The following CSMD1 variants were observed in gnomAD, a reference collection of about 807,000 sequenced individuals.
CSMD1 encodes the protein CUB and Sushi multiple domains 1.
Under a neutral mutation model 417.5 loss-of-function variants are expected in CSMD1, and 213 were observed. That is an observed-to-expected ratio of 0.51 (90% CI 0.46 to 0.57). The LOEUF (loss-of-function observed/expected upper bound fraction) is 0.57, where lower values mean the gene tolerates loss of function less well. Ranked by LOEUF, CSMD1 falls within the 20% of genes least tolerant of loss-of-function variation. The pLI, the probability that CSMD1 is intolerant of heterozygous loss-of-function variation, is 0.00. For synonymous variants in CSMD1, 2,862 were observed against 1,736.8 expected (o/e 1.65, Z -16.11); for missense variants, 6,923 against 4,529.7 (o/e 1.53, Z -15.17).
At chr8:2,942,816 T>A (rs966729243) in intron 68 of CSMD1, among the ~76,000 whole-genome samples, 1 of 152,226 alleles carries the variant, frequency 6.6e-6, no homozygotes, top group Non-Finnish European at 1.5e-5. Context: ...TAATGGAGAA[T>A]ACTATGAAAG....
chr8:4,991,041 T>A (rs918286772), intron 1 of CSMD1, among the ~76,000 whole-genome samples: 2 of 152,120 alleles, frequency 1.3e-5, no homozygotes, highest in Admixed American at 1.3e-4. Context: ...TTGTGTGTGC[T>A]CTCCTTTAGG....
chr8:4,120,560 C>A (rs1020047612), intron 3 of CSMD1, among the ~76,000 whole-genome samples: 1 of 152,188 alleles, frequency 6.6e-6, no homozygotes, highest in South Asian at 2.1e-4. Context: ...CCAAAACTGG[C>A]GACCGGGAGG....
intron 3 of CSMD1, among the ~76,000 whole-genome samples, chr8:4,188,564 G>A (rs1010884908): frequency 6.6e-6 from 1 of 152,112 alleles, no homozygotes; most frequent in African/African-American, 2.4e-5. Context: ...GTATGAGGTA[G>A]ACACTGTCAA....
intron 1 of CSMD1, among the ~76,000 whole-genome samples, chr8:4,659,351 G>A (rs928913058): frequency 2.0e-5 from 3 of 152,118 alleles, no homozygotes; most frequent in African/African-American, 7.2e-5. Flanking sequence ...CAGGTAAAAT[G>A]AAATATTAAA....
At chr8:3,709,354 A>T (rs1801363007) in intron 6 of CSMD1, among the ~76,000 whole-genome samples, 2 of 152,136 alleles carry the variant, frequency 1.3e-5, no homozygotes. Flanking sequence ...TGCTTACAAC[A>T]GGGTGGCCCC....
At chr8:4,684,625 T>A (rs559836379) in intron 1 of CSMD1, among the ~76,000 whole-genome samples, 7 of 152,282 alleles carry the variant, frequency 4.6e-5, no homozygotes, top group East Asian at 1.9e-4. Flanking sequence ...AAATTAGGAA[T>A]GATATTAATT....
chr8:4,328,609 T>C (rs1225883921), intron 3 of CSMD1, among the ~76,000 whole-genome samples: 2 of 152,102 alleles, frequency 1.3e-5, no homozygotes, highest in Non-Finnish European at 2.9e-5. Context: ...GTCATTTTGT[T>C]TTGAAATATT....
intron 51 of CSMD1, 75 bp downstream of exon 51, chr8:3,029,243 AG>A: frequency 8.3e-7 from 1 of 1,201,458 alleles, no homozygotes; most frequent in Non-Finnish European, 1.2e-6. Context: ...CCACTAGAGA[AG>A]CTCACCACTG....
chr8:4,936,128 C>A (rs1003745372), intron 1 of CSMD1, among the ~76,000 whole-genome samples: 1 of 152,266 alleles, frequency 6.6e-6, no homozygotes, highest in East Asian at 1.9e-4. Flanking sequence ...GGTTTCTGTC[C>A]TGTTCCACAT....
At chr8:3,282,045 C>T (rs1239478504) in intron 26 of CSMD1, among the ~76,000 whole-genome samples, 2 of 152,156 alleles carry the variant, frequency 1.3e-5, no homozygotes, top group Admixed American at 6.5e-5. Flanking sequence ...TCCTGAGGCC[C>T]TCCCAGCCAT....
chr8:4,108,137 G>C (rs2130901806), intron 3 of CSMD1, among the ~76,000 whole-genome samples: 1 of 152,000 alleles, frequency 6.6e-6, no homozygotes, highest in South Asian at 2.1e-4. Flanking sequence ...GGTAGGGAAG[G>C]GGAGAAGACA....
chr8:3,110,090 G>A (rs1268339144), intron 43 of CSMD1, 68 bp downstream of exon 43: 1 of 1,274,540 alleles, frequency 7.8e-7, no homozygotes, highest in Non-Finnish European at 1.1e-6. Flanking sequence ...TATATAAGTG[G>A]CATATGTATG....
At chr8:4,468,239 G>C (rs1026258344) in intron 2 of CSMD1, among the ~76,000 whole-genome samples, 2 of 152,194 alleles carry the variant, frequency 1.3e-5, no homozygotes, top group Non-Finnish European at 2.9e-5. Flanking sequence ...AAAGGAAGGA[G>C]AGCTGGCTGA....
At chr8:3,028,791 C>T (rs1810128076) in intron 51 of CSMD1, among the ~76,000 whole-genome samples, 1 of 152,138 alleles carries the variant, frequency 6.6e-6, no homozygotes, top group Admixed American at 6.5e-5. Context: ...GTATACTAGA[C>T]ACATCTGATT....
At chr8:3,665,757 T>C (rs1369958692) in intron 7 of CSMD1, among the ~76,000 whole-genome samples, 1 of 152,210 alleles carries the variant, frequency 6.6e-6, no homozygotes, top group African/African-American at 2.4e-5. Flanking sequence ...GGAAGGTGTT[T>C]ATCCAAGGCA....
At chr8:4,020,471 C>A (rs1355035371) in intron 4 of CSMD1, among the ~76,000 whole-genome samples, 1 of 152,174 alleles carries the variant, frequency 6.6e-6, no homozygotes, top group Non-Finnish European at 1.5e-5. Flanking sequence ...GGTTATGTGA[C>A]CGCTAGGGTC....
intron 5 of CSMD1, among the ~76,000 whole-genome samples, chr8:3,948,521 T>C (rs1408337155): frequency 3.3e-5 from 5 of 152,112 alleles, no homozygotes; most frequent in African/African-American, 4.8e-5. Context: ...TTATATTTTC[T>C]TTATTTTATA....
At chr8:4,559,705 A>T (rs1040257857) in intron 2 of CSMD1, among the ~76,000 whole-genome samples, 2 of 152,252 alleles carry the variant, frequency 1.3e-5, no homozygotes, top group Non-Finnish European at 2.9e-5. Context: ...AACAGCAAAG[A>T]TGCTGCGTAG....
chr8:3,305,039 T>G (rs895465826), intron 25 of CSMD1, among the ~76,000 whole-genome samples: 1 of 152,128 alleles, frequency 6.6e-6, no homozygotes, highest in Non-Finnish European at 1.5e-5. Flanking sequence ...GGACTAATAT[T>G]TAATTTAATT....
Sources: gnomAD v4.1 joint callset for allele counts (sites outside exome capture counted in the v4.1 genomes callset) on GRCh38, gnomAD v4.1.1 for gene constraint, MANE v1.5 for transcripts, NCBI Gene and HGNC (gene_info 2026-07-23, HGNC 2026-07-21) for gene names.